The following CERS3 variants were observed in gnomAD, a reference collection of about 807,000 sequenced individuals.
CERS3 encodes LAG1 homolog, ceramide synthase 3.
In CERS3, 33 loss-of-function variants were observed where a neutral mutation model predicts 50.3. The observed-to-expected ratio is 0.66, with a 90% CI of 0.50 to 0.88. CERS3 has a LOEUF of 0.88. Ranked by LOEUF, CERS3 falls within the 40% of genes least tolerant of loss-of-function variation. The probability of loss-of-function intolerance (pLI) is 0.00; values close to 1 mark genes in which losing one functional copy is unlikely to be tolerated. For synonymous variants in CERS3, 176 were observed against 155.2 expected (o/e 1.13, Z -0.99); for missense variants, 470 against 460.3 (o/e 1.02, Z -0.19).
chr15:100,406,197 C>G (rs2031011070), intron 11 of CERS3, among the ~76,000 whole-genome samples: 2 of 152,156 alleles, frequency 1.3e-5, no homozygotes, highest in South Asian at 4.1e-4. Context: ...CTGTGCATGT[C>G]CAGTGATAGA....
At chr15:100,544,087 G>T in intron 1 of CERS3, 1 of 152,430 alleles carries the variant, frequency 6.6e-6, no homozygotes. Context: ...CCCCCACCTC[G>T]GCACCCAGCA....
Position 100,469,378 on chromosome 15 carries a change from C to A in CERS3, c.845G>T (p.Trp282Leu), listed in dbSNP as rs1215585522. 1 of 1,612,772 alleles carries A rather than the reference C, an allele frequency of 6.2e-7. No homozygotes were observed. The highest frequency in any genetic ancestry group is 8.5e-7 in the Non-Finnish European group (1 of 1,178,922). The change falls in exon 10 of 12, where the codon TGG (tryptophan) becomes TTG (leucine). Residue 282 changes from tryptophan to leucine, a missense_variant and splice_region_variant. Physicochemically the swap from Trp to Leu is moderately conservative, Grantham distance 61. Transcript: ENST00000679737. ...FISRLIVFPFWILYCTLILPM... is the reference protein window; with the variant it reads ...FISRLIVFPFLILYCTLILPM... ...CAGGGCACATCACCGGTCTACTCAC[C>A]AGAAAGGAAAAACAATGAGGCGGCT...
rs1017510238 is a variant in CERS3 at position 100,412,165 on chromosome 15, T to A, written c.1000-9300A>T. 3.2e-4 allele frequency among the ~76,000 whole-genome samples: 49 copies of A among 152,220 alleles called. 1 individual carries two copies. Among genetic ancestry groups the A allele is most frequent in the Non-Finnish European group, 3.1e-4 (21 of 68,032 alleles). ...TCATTTATTGTCTGTGCCTTTAGTGTCATATCCAATAAATTATTTGCCCTA... is the reference window on the plus strand; with the variant it reads ...TCATTTATTGTCTGTGCCTTTAGTGACATATCCAATAAATTATTTGCCCTA... On this transcript the variant is annotated intron_variant, in intron 11 of 11. Coordinates refer to ENST00000679737, the MANE Select transcript of CERS3 (RefSeq NM_001378789.1).
At chr15:100,466,849 T>TCTCTCTC (rs796656430) in intron 10 of CERS3, among the ~76,000 whole-genome samples, 8 of 44,678 alleles carry the variant, frequency 1.8e-4, no homozygotes, top group African/African-American at 7.2e-4. Context: ...CCCTCTCTCT[T>TCTCTCTC]TCTCTCTTTC....
intron 2 of CERS3, among the ~76,000 whole-genome samples, chr15:100,516,658 G>A (rs1170873694): frequency 6.6e-6 from 1 of 152,186 alleles, no homozygotes; most frequent in African/African-American, 2.4e-5. Flanking sequence ...AACCTCCTGT[G>A]GCTTCATAGC....
upstream of CERS3, among the ~76,000 whole-genome samples, chr15:100,533,777 C>G (rs1455305346): frequency 1.3e-5 from 2 of 152,112 alleles, no homozygotes; most frequent in Non-Finnish European, 2.9e-5. Flanking sequence ...CCAGGATGGT[C>G]TCGATCTCCT....
intron 3 of CERS3, among the ~76,000 whole-genome samples, chr15:100,494,507 A>T (rs1249146861): frequency 3.3e-5 from 5 of 152,042 alleles, no homozygotes; most frequent in African/African-American, 1.2e-4. Context: ...TTGGCCTCCC[A>T]AAGTGCTGGG....
At chr15:100,471,237 C>CT (rs913358197) in intron 9 of CERS3, among the ~76,000 whole-genome samples, 8 of 148,050 alleles carry the variant, frequency 5.4e-5, no homozygotes, top group South Asian at 4.3e-4. Context: ...TCTTCTTCTT[C>CT]TTTTTTTTTT....
At chr15:100,505,392 G>C (rs2036147404) in intron 2 of CERS3, among the ~76,000 whole-genome samples, 1 of 152,182 alleles carries the variant, frequency 6.6e-6, no homozygotes, top group South Asian at 2.1e-4. Flanking sequence ...TCTGTTGAAA[G>C]CCATAGAAAC....
upstream of CERS3, among the ~76,000 whole-genome samples, chr15:100,532,672 T>C (rs2036967053): frequency 6.6e-6 from 1 of 151,944 alleles, no homozygotes; most frequent in Non-Finnish European, 1.5e-5. Flanking sequence ...GGTGGGAGGA[T>C]CACCTGAGCC....
At chr15:100,482,787 G>A (rs2035353063) in intron 5 of CERS3, among the ~76,000 whole-genome samples, 1 of 152,070 alleles carries the variant, frequency 6.6e-6, no homozygotes, top group Admixed American at 6.5e-5. Flanking sequence ...TTAGGAGCTG[G>A]GGTTAAGAAA....
Position 100,460,276 on chromosome 15 carries a change from C to T in CERS3, c.846-4230G>A, listed in dbSNP as rs1212465289. Among the ~76,000 whole-genome samples the T allele has an allele frequency of 3.9e-5, 6 of 152,074 alleles. No individual in the cohort carries two copies. In the South Asian group the frequency reaches 8.3e-4, roughly 21 times the overall value. On this transcript the variant is annotated intron_variant, in intron 10 of 11. Coordinates refer to ENST00000679737, the MANE Select transcript of CERS3 (RefSeq NM_001378789.1). ...TGTGCATTTCCTCATCTGTAAAATG[C>T]GAGCAGAGAGTACCTACCTTATTTA...
chr15:100,514,252 T>C (rs1188375441), intron 2 of CERS3, among the ~76,000 whole-genome samples: 1 of 152,226 alleles, frequency 6.6e-6, no homozygotes, highest in Non-Finnish European at 1.5e-5. Flanking sequence ...AACTATTAAA[T>C]ACCATGAAAT....
intron 3 of CERS3, among the ~76,000 whole-genome samples, chr15:100,497,468 C>G (rs1469773384): frequency 6.6e-6 from 1 of 151,756 alleles, no homozygotes; most frequent in African/African-American, 2.4e-5. Context: ...TTTTTTTTCT[C>G]TATTAGAACA....
intron 11 of CERS3, among the ~76,000 whole-genome samples, chr15:100,430,234 C>T (rs1293631986): frequency 6.6e-6 from 1 of 151,740 alleles, no homozygotes; most frequent in Non-Finnish European, 1.5e-5. Flanking sequence ...ATGGCGTGAA[C>T]CCGGGAGGCG....
intron 2 of CERS3, among the ~76,000 whole-genome samples, chr15:100,512,656 C>T (rs2036380296): frequency 6.6e-6 from 1 of 152,224 alleles, no homozygotes; most frequent in Non-Finnish European, 1.5e-5. Flanking sequence ...TTGTTACTAG[C>T]CAATCTCCCA....
Position 100,480,013 on chromosome 15 carries a change from AACAG to A in CERS3, c.437_440del (p.Thr146MetfsTer38). 6.2e-7 allele frequency: 1 copy of A among 1,611,322 alleles called. No homozygotes were observed. The highest frequency in any genetic ancestry group is 1.3e-5 in the African/African-American group (1 of 74,828). On this transcript the variant is annotated frameshift_variant, in exon 6 of 12. Coordinates refer to ENST00000679737, the MANE Select transcript of CERS3 (RefSeq NM_001378789.1). LOFTEE classifies it high-confidence loss of function. ...CATCATAAAGAAACGCAATTCCAGC[AACAG>A]TGATCATTAAGTAAAATGCAAATCT...
In CERS3 at chr15:100,505,353, G is replaced by C. The variant is rs528480741; in HGVS notation, c.-1-3503C>G. Among the ~76,000 whole-genome samples the C allele has an allele frequency of 2.2e-4, 34 of 152,274 alleles. No homozygotes were observed. The South Asian group carries it at 6.2e-3, about 28-fold the overall frequency. ...GGGTTACCACTCTAAACAATTCCTT[G>C]TGCATTACATGTAAGCAATGGATTA... is the stretch of plus-strand genomic sequence containing the variant. On this transcript the variant is annotated intron_variant, in intron 2 of 11. Transcript: ENST00000679737.
chr15:100,540,182 C>T (rs1409082158), intron 1 of CERS3, among the ~76,000 whole-genome samples: 1 of 152,340 alleles, frequency 6.6e-6, no homozygotes, highest in South Asian at 2.1e-4. Flanking sequence ...GACCTTGGCT[C>T]AGGCCCCATC....
Sources: gnomAD v4.1 joint callset for allele counts (sites outside exome capture counted in the v4.1 genomes callset) on GRCh38, gnomAD v4.1.1 for gene constraint, MANE v1.5 for transcripts, NCBI Gene and HGNC (gene_info 2026-07-23, HGNC 2026-07-21) for gene names.